RGS6: variants seen among roughly 807,000 people sequenced by gnomAD.
RGS6 encodes the protein regulator of G-protein signaling 6.
RGS6 carries 30 observed loss-of-function variants against 78.5 expected under a neutral mutation model. The observed-to-expected ratio is 0.38, with a 90% CI of 0.29 to 0.52. The LOEUF is 0.52. RGS6 is among the 20% of genes least tolerant of loss of function. The pLI is 0.85. For missense variants in RGS6, 495 were observed against 609.7 expected, an observed-to-expected ratio of 0.81 and a Z score of 1.98; for synonymous variants, 206 against 206.0, an observed-to-expected ratio of 1.00 and a Z score of 0.00.
intron 2 of RGS6, among the ~76,000 whole-genome samples, chr14:72,136,030 T>G (rs1406766863): frequency 6.6e-6 from 1 of 152,188 alleles, no homozygotes; most frequent in Non-Finnish European, 1.5e-5. Context: ...GGAAATTTGT[T>G]GCACCATTTG....
intron 2 of RGS6, among the ~76,000 whole-genome samples, chr14:72,267,152 T>C (rs1378515112): frequency 1.3e-5 from 2 of 152,196 alleles, no homozygotes; most frequent in East Asian, 3.9e-4. Context: ...GGTTTCACCA[T>C]GTTGGCCAGG....
intron 2 of RGS6, among the ~76,000 whole-genome samples, chr14:72,024,421 C>G (rs150428975): frequency 6.6e-6 from 1 of 152,306 alleles, no homozygotes; most frequent in Non-Finnish European, 1.5e-5. Context: ...AAAACCAGTT[C>G]TATCCCAGGC....
At chr14:71,893,005 T>C in the RGS6 span, among the ~76,000 whole-genome samples, 1 of 152,394 alleles carries the variant, frequency 6.6e-6, no homozygotes, top group South Asian at 2.1e-4. Context: ...TTTTAGTCTC[T>C]GTAATTTACT....
Position 72,018,842 on chromosome 14 carries a change from G to A in RGS6, c.84+53967G>A, listed in dbSNP as rs535248832. Among the ~76,000 whole-genome samples the A allele has an allele frequency of 2.0e-5, 3 of 152,210 alleles. No individual in the cohort carries two copies. In the South Asian group the frequency reaches 6.2e-4, roughly 32 times the overall value. ...GAATTTATGCTTGCTTCTGGTTTTA[G>A]TTGTTGCTTTGTTTCTGGCACCTGG... On this transcript the variant is annotated intron_variant, in intron 2 of 17. Transcript: ENST00000553525.
chr14:72,519,183 C>T (rs986355542), intron 15 of RGS6, among the ~76,000 whole-genome samples: 36 of 152,312 alleles, frequency 2.4e-4, no homozygotes, highest in South Asian at 4.1e-4. Context: ...CTGTAGGACA[C>T]AATTAAGATG....
At chr14:72,286,124 C>T (rs1414907017) in intron 2 of RGS6, among the ~76,000 whole-genome samples, 1 of 152,122 alleles carries the variant, frequency 6.6e-6, no homozygotes, top group Non-Finnish European at 1.5e-5. Flanking sequence ...ATGTTTTATT[C>T]TAGGAATTTT....
chr14:72,615,127 G>A, the RGS6 span, among the ~76,000 whole-genome samples: 3,542 of 152,246 alleles, frequency 0.023, 149 homozygotes, highest in African/African-American at 0.082. Context: ...GGCAGCCGGG[G>A]AGTGAGAGAA....
At chr14:72,082,836 A>G (rs1225187285) in intron 2 of RGS6, among the ~76,000 whole-genome samples, 1 of 152,202 alleles carries the variant, frequency 6.6e-6, no homozygotes, top group South Asian at 2.1e-4. Context: ...GTAACATACA[A>G]TGCAATAGGG....
chr14:71,956,393 T>TAA (rs2092795788), intron 1 of RGS6, among the ~76,000 whole-genome samples: 1 of 151,700 alleles, frequency 6.6e-6, no homozygotes, highest in Non-Finnish European at 1.5e-5. Context: ...AGTATATATA[T>TAA]AACAGTGTGT....
At chr14:72,455,520 TAC>T (rs1205784506) in intron 4 of RGS6, among the ~76,000 whole-genome samples, 1 of 152,220 alleles carries the variant, frequency 6.6e-6, no homozygotes, top group Non-Finnish European at 1.5e-5. Context: ...TGCAAAACAA[TAC>T]AGTTTCTATG....
intron 2 of RGS6, among the ~76,000 whole-genome samples, chr14:72,335,686 G>T (rs866452711): frequency 1.3e-5 from 2 of 152,156 alleles, no homozygotes; most frequent in Non-Finnish European, 2.9e-5. Flanking sequence ...GGAAGAAGAA[G>T]AATTGTCTTG....
intron 2 of RGS6, among the ~76,000 whole-genome samples, chr14:72,025,725 C>T (rs2089712705): frequency 6.6e-6 from 1 of 152,128 alleles, no homozygotes; most frequent in Non-Finnish European, 1.5e-5. Context: ...AGGAACTAGA[C>T]ATTATTTCAG....
chr14:72,458,343 C>A lies in RGS6; in HGVS notation c.308C>A (p.Thr103Asn). ...TTTCCAATCTCAGACCATGTTCTCA[C>A]CATGAAGGATGATGGCACCTTTTAT... Reference protein sequence around the residue: ...YIFPISDHVLTMKDDGTFYRF... With the variant: ...YIFPISDHVLNMKDDGTFYRF... Residue 103 changes from threonine (T) to asparagine (N), a missense_variant, in exon 5 of 18, where the codon ACC (threonine) becomes AAC (asparagine). Thr to Asn is a moderately conservative substitution (Grantham distance 65). Coordinates refer to ENST00000553525, the MANE Select transcript of RGS6 (RefSeq NM_001204424.2). 1 of 1,614,162 alleles carries A rather than the reference C, an allele frequency of 6.2e-7. No homozygotes were observed. Among genetic ancestry groups the A allele is most frequent in the East Asian group, 2.2e-5 (1 of 44,890 alleles).
chr14:72,439,897 G>A (rs892275782), intron 3 of RGS6, among the ~76,000 whole-genome samples: 3 of 152,208 alleles, frequency 2.0e-5, no homozygotes, highest in Admixed American at 1.3e-4. Flanking sequence ...GTGGGTTCCT[G>A]TAACTGTTCC....
At chr14:72,249,314 C>T (rs995666890) in intron 2 of RGS6, among the ~76,000 whole-genome samples, 3 of 152,204 alleles carry the variant, frequency 2.0e-5, no homozygotes, top group Non-Finnish European at 2.9e-5. Flanking sequence ...TAAGTAATGC[C>T]TTCTGCATTG....
chr14:72,227,407 A>C (rs2048376384), intron 2 of RGS6, among the ~76,000 whole-genome samples: 1 of 152,146 alleles, frequency 6.6e-6, no homozygotes, highest in African/African-American at 2.4e-5. Flanking sequence ...GCACCACTGC[A>C]TGGGGCTTGG....
chr14:71,995,892 C>T (rs11623548), intron 2 of RGS6, among the ~76,000 whole-genome samples: 67,786 of 151,958 alleles, frequency 0.45, 15,538 homozygotes, highest in East Asian at 0.54. Flanking sequence ...GGACAAAGCT[C>T]CCGGGATCTC....
chr14:72,052,925 T>TTTC (rs2093340474), intron 2 of RGS6, among the ~76,000 whole-genome samples: 2 of 120,428 alleles, frequency 1.7e-5, no homozygotes. Flanking sequence ...TTCATTGTAT[T>TTTC]TTTCTTTCTT....
At chr14:72,335,108 T>A (rs1324322129) in intron 2 of RGS6, among the ~76,000 whole-genome samples, 1 of 148,230 alleles carries the variant, frequency 6.7e-6, no homozygotes, top group East Asian at 2.2e-4. Context: ...TGCCACCATG[T>A]GACTTTGCTC....
Sources: allele counts gnomAD v4.1 joint callset (sites outside exome capture counted in the v4.1 genomes callset), GRCh38; gene constraint gnomAD v4.1.1; transcripts MANE v1.5; gene names NCBI Gene and HGNC (gene_info 2026-07-23, HGNC 2026-07-21).